GPC5: variants seen among roughly 807,000 people sequenced by gnomAD.
GPC5 encodes glypican-5.
Under a neutral mutation model 53.9 loss-of-function variants are expected in GPC5, and 47 were observed. The ratio of observed to expected loss-of-function variants is 0.87; its 90% CI spans 0.69 to 1.11. GPC5 has a LOEUF of 1.11. Ranked by LOEUF, GPC5 falls within the 50% of genes most tolerant of loss-of-function variation. GPC5 has a pLI of 0.00. For missense variants in GPC5, 748 were observed against 713.1 expected, an observed-to-expected ratio of 1.05 and a Z score of -0.56; for synonymous variants, 286 against 263.3, an observed-to-expected ratio of 1.09 and a Z score of -0.84.
chr13:92,163,621 A>G (rs1178583441), intron 7 of GPC5, among the ~76,000 whole-genome samples: 1 of 152,152 alleles, frequency 6.6e-6, no homozygotes, highest in Non-Finnish European at 1.5e-5. Flanking sequence ...TCTCTTTGTT[A>G]TTGAAGAATA....
intron 7 of GPC5, among the ~76,000 whole-genome samples, chr13:92,634,411 T>C (rs1414178063): frequency 1.3e-5 from 2 of 152,098 alleles, no homozygotes; most frequent in African/African-American, 2.4e-5. Context: ...CTTGGTGATA[T>C]TCTTTTTATT....
At chr13:92,767,894 C>G (rs1875466010) in intron 7 of GPC5, among the ~76,000 whole-genome samples, 1 of 152,260 alleles carries the variant, frequency 6.6e-6, no homozygotes, top group East Asian at 1.9e-4. Flanking sequence ...TCCATCACTA[C>G]AAGTTAGATT....
chr13:91,783,017 T>C (rs1485591131), intron 5 of GPC5, among the ~76,000 whole-genome samples: 1 of 151,984 alleles, frequency 6.6e-6, no homozygotes, highest in African/African-American at 2.4e-5. Context: ...GAATTATAAA[T>C]ATACAATTTC....
In GPC5 at chr13:91,919,757, C is replaced by T. The variant is rs1030455757; in HGVS notation, c.1401+11700C>T. Among the ~76,000 whole-genome samples, 3 of 152,080 alleles carry T rather than the reference C, an allele frequency of 2.0e-5. No homozygotes were observed. In the South Asian group the frequency reaches 6.2e-4, roughly 32 times the overall value. On this transcript the variant is annotated intron_variant, in intron 6 of 7. Coordinates refer to ENST00000377067, the MANE Select transcript of GPC5 (RefSeq NM_004466.6). ...AAAAAAAAATGTACCAGGAAGGCTC[C>T]TCATTCAAAATTCCAGCCAGAATAG... is the stretch of plus-strand genomic sequence containing the variant.
intron 7 of GPC5, among the ~76,000 whole-genome samples, chr13:92,621,815 T>C (rs112281920): frequency 7.6e-4 from 115 of 152,192 alleles, no homozygotes; most frequent in Non-Finnish European, 1.2e-3. Flanking sequence ...AAAGACCCTG[T>C]CACTAAATAA....
intron 5 of GPC5, among the ~76,000 whole-genome samples, chr13:91,880,672 A>G (rs2039254522): frequency 6.6e-6 from 1 of 152,208 alleles, no homozygotes; most frequent in Admixed American, 6.5e-5. Flanking sequence ...TACTTTTTAT[A>G]TATTTATACT....
intron 7 of GPC5, among the ~76,000 whole-genome samples, chr13:92,351,668 A>C (rs1358100314): frequency 1.3e-5 from 2 of 152,188 alleles, no homozygotes; most frequent in Non-Finnish European, 1.5e-5. Flanking sequence ...AAATTGATGC[A>C]TAGAGACAAT....
chr13:91,541,017 T>C (rs1002973396), intron 2 of GPC5, among the ~76,000 whole-genome samples: 2 of 152,184 alleles, frequency 1.3e-5, no homozygotes, highest in Non-Finnish European at 2.9e-5. Flanking sequence ...TTTAAAATGG[T>C]GAATTCCATT....
chr13:92,390,318 C>A (rs773570461), intron 7 of GPC5, among the ~76,000 whole-genome samples: 1 of 151,992 alleles, frequency 6.6e-6, no homozygotes, highest in East Asian at 1.9e-4. Flanking sequence ...GGTGGTAAAC[C>A]ATCAGCCTAT....
chr13:92,507,980 G>A (rs552204359), intron 7 of GPC5, among the ~76,000 whole-genome samples: 1 of 151,696 alleles, frequency 6.6e-6, no homozygotes, highest in Admixed American at 6.6e-5. Context: ...GTTTTTTGTT[G>A]TTGAGCTGGA....
intron 7 of GPC5, among the ~76,000 whole-genome samples, chr13:92,666,992 A>G (rs1482061741): frequency 6.6e-6 from 1 of 152,158 alleles, no homozygotes; most frequent in African/African-American, 2.4e-5. Flanking sequence ...GCCACCCTAT[A>G]CTGAAGCATT....
At chr13:92,700,455 T>C (rs1320912186) in intron 7 of GPC5, among the ~76,000 whole-genome samples, 1 of 152,078 alleles carries the variant, frequency 6.6e-6, no homozygotes, top group African/African-American at 2.4e-5. Context: ...AGGTTAATAG[T>C]GTTAGGTATG....
rs117813679 is a variant in GPC5 at position 92,209,541 on chromosome 13, A to G, written c.1561+64552A>G. ...ATATAAAGAATTGGAACTAACATCC[A>G]CAGAAGGCCTAATGACTGCTGTTAA... On this transcript the variant is annotated intron_variant, in intron 7 of 7. Coordinates refer to ENST00000377067, the MANE Select transcript of GPC5 (RefSeq NM_004466.6). Among the ~76,000 whole-genome samples the G allele has an allele frequency of 8.0e-3, 1,219 of 152,290 alleles. 48 individuals carry two copies. Among genetic ancestry groups the G allele is most frequent in the Admixed American group, 0.065 (998 of 15,292 alleles).
At chr13:92,807,636 C>A (rs1321488993) in intron 7 of GPC5, among the ~76,000 whole-genome samples, 1 of 151,988 alleles carries the variant, frequency 6.6e-6, no homozygotes, top group Non-Finnish European at 1.5e-5. Context: ...TGACTGGGAA[C>A]GTTGTTTATA....
At chr13:91,436,625 A>G (rs1879993717) in intron 1 of GPC5, among the ~76,000 whole-genome samples, 1 of 152,120 alleles carries the variant, frequency 6.6e-6, no homozygotes, top group African/African-American at 2.4e-5. Context: ...TCAATTTTGG[A>G]ATAAGTGCGG....
rs555084096 is a variant in GPC5 at position 91,939,262 on chromosome 13, G to A, written c.1401+31205G>A. 2.2e-4 allele frequency among the ~76,000 whole-genome samples: 33 copies of A among 152,164 alleles called. No individual in the cohort carries two copies. In the South Asian group the frequency reaches 6.4e-3, roughly 30 times the overall value. ...CATATGATTGGCTACTAATCTGATAGCAAATTAAGAAATCATAGAATTTAT... is the reference window on the plus strand; with the variant it reads ...CATATGATTGGCTACTAATCTGATAACAAATTAAGAAATCATAGAATTTAT... On this transcript the variant is annotated intron_variant, in intron 6 of 7. Coordinates refer to ENST00000377067, the MANE Select transcript of GPC5 (RefSeq NM_004466.6).
At chr13:91,648,401 A>T (rs1470591501) in intron 2 of GPC5, among the ~76,000 whole-genome samples, 1 of 149,318 alleles carries the variant, frequency 6.7e-6, no homozygotes, top group African/African-American at 2.6e-5. Flanking sequence ...AGTGCCATTT[A>T]AAAACTAAAG....
At chr13:92,661,620 TCTC>T (rs1467273977) in intron 7 of GPC5, among the ~76,000 whole-genome samples, 1 of 152,210 alleles carries the variant, frequency 6.6e-6, no homozygotes, top group Non-Finnish European at 1.5e-5. Flanking sequence ...ATTTAAATAT[TCTC>T]CTATTGCTCA....
intron 5 of GPC5, among the ~76,000 whole-genome samples, chr13:91,799,445 C>G (rs1459694647): frequency 6.6e-6 from 1 of 152,134 alleles, no homozygotes; most frequent in Non-Finnish European, 1.5e-5. Context: ...ACAATATACC[C>G]ATGTAACAAA....
Sources: allele counts gnomAD v4.1 joint callset (sites outside exome capture counted in the v4.1 genomes callset), GRCh38; gene constraint gnomAD v4.1.1; transcripts MANE v1.5; gene names NCBI Gene and HGNC (gene_info 2026-07-23, HGNC 2026-07-21).